The following MAML2 variants were observed in gnomAD, a reference collection of about 807,000 sequenced individuals.
The protein encoded by MAML2 is mastermind-like protein 2.
MAML2 carries 22 observed loss-of-function variants against 96.1 expected under a neutral mutation model. That is an observed-to-expected ratio of 0.23 (90% CI 0.16 to 0.33). MAML2 has a LOEUF of 0.33. Among genes scored for constraint, MAML2 ranks in the 10% least tolerant of loss-of-function variants. MAML2 has a pLI of 1.00. For missense variants in MAML2, 1,367 were observed against 1,392.4 expected (o/e 0.98, Z 0.29); for synonymous variants, 561 against 521.3 (o/e 1.08, Z -1.04).
chr11:96,142,997 C>T (rs1375094646), intron 1 of MAML2, among the ~76,000 whole-genome samples: 4 of 152,178 alleles, frequency 2.6e-5, no homozygotes, highest in Non-Finnish European at 5.9e-5. Flanking sequence ...ATAAGACTTA[C>T]AACTGATGCC....
intron 1 of MAML2, among the ~76,000 whole-genome samples, chr11:96,292,188 C>T (rs187596900): frequency 2.0e-5 from 3 of 152,264 alleles, no homozygotes; most frequent in Non-Finnish European, 2.9e-5. Context: ...ATCATATTTA[C>T]TATTGAATAC....
intron 2 of MAML2, among the ~76,000 whole-genome samples, chr11:96,077,602 T>A (rs1859463404): frequency 6.6e-6 from 1 of 152,208 alleles, no homozygotes; most frequent in African/African-American, 2.4e-5. Flanking sequence ...CGAAACTTTA[T>A]TTTAGGAATA....
chr11:96,136,821 G>A (rs982322105), intron 1 of MAML2, among the ~76,000 whole-genome samples: 22 of 152,130 alleles, frequency 1.4e-4, no homozygotes, highest in African/African-American at 5.3e-4. Flanking sequence ...CAAAATCCCT[G>A]TTACTAAGAC....
At chr11:96,124,388 G>A (rs189173150) in intron 1 of MAML2, among the ~76,000 whole-genome samples, 6 of 152,288 alleles carry the variant, frequency 3.9e-5, no homozygotes, top group Non-Finnish European at 1.5e-5. Context: ...TCTCTGGTTT[G>A]ATTCCAGTGT....
At chr11:96,191,461 T>C (rs1414360607) in intron 1 of MAML2, among the ~76,000 whole-genome samples, 1 of 116,308 alleles carries the variant, frequency 8.6e-6, no homozygotes, top group Admixed American at 9.9e-5. Flanking sequence ...CGAGAATCCG[T>C]CTCAAAAAAA....
intron 1 of MAML2, among the ~76,000 whole-genome samples, chr11:96,146,048 CACAA>C (rs200129192): frequency 0.01 from 1,542 of 152,298 alleles, 17 homozygotes; most frequent in Admixed American, 0.021. Context: ...GTGTGCCACA[CACAA>C]ACATTGTGAC....
intron 1 of MAML2, among the ~76,000 whole-genome samples, chr11:96,195,506 T>C (rs1311525271): frequency 6.6e-6 from 1 of 152,122 alleles, no homozygotes. Context: ...GTTCAAAAAC[T>C]CAGAAAACTA....
chr11:95,991,286 G>A (rs1443096583), intron 3 of MAML2, among the ~76,000 whole-genome samples: 2 of 152,108 alleles, frequency 1.3e-5, no homozygotes, highest in East Asian at 3.9e-4. Context: ...CCTGGGCTGG[G>A]CAGGGCTGGT....
intron 1 of MAML2, among the ~76,000 whole-genome samples, chr11:96,110,758 G>A (rs151316148): frequency 4.7e-4 from 72 of 152,264 alleles, no homozygotes; most frequent in African/African-American, 1.5e-3. Flanking sequence ...GAGATGGACG[G>A]CATTGAGTGG....
At chr11:96,091,142 G>A (rs1036926793) in intron 2 of MAML2, among the ~76,000 whole-genome samples, 3 of 152,138 alleles carry the variant, frequency 2.0e-5, no homozygotes, top group African/African-American at 7.2e-5. Context: ...TTAACCAAAC[G>A]ATGTAAGGTT....
intron 1 of MAML2, among the ~76,000 whole-genome samples, chr11:96,303,865 C>T (rs894715530): frequency 2.0e-5 from 3 of 152,156 alleles, no homozygotes; most frequent in African/African-American, 7.2e-5. Context: ...TCCCTATCCC[C>T]CTTATCCTCT....
chr11:96,066,225 G>A (rs916642519), intron 2 of MAML2, among the ~76,000 whole-genome samples: 1 of 152,180 alleles, frequency 6.6e-6, no homozygotes, highest in Non-Finnish European at 1.5e-5. Flanking sequence ...CATCAGTGCT[G>A]AAGGGTCCTG....
At chr11:96,176,842 C>T (rs111407141) in intron 1 of MAML2, among the ~76,000 whole-genome samples, 3 of 151,928 alleles carry the variant, frequency 2.0e-5, no homozygotes, top group Non-Finnish European at 1.5e-5. Flanking sequence ...GTAGTGATAC[C>T]GATAGGTGTG....
intron 1 of MAML2, among the ~76,000 whole-genome samples, chr11:96,307,061 G>A (rs949950613): frequency 6.6e-6 from 1 of 152,114 alleles, no homozygotes; most frequent in Admixed American, 6.5e-5. Context: ...CACTCACACG[G>A]CTGTAATAAG....
chr11:96,126,677 T>C (rs1480119652), intron 1 of MAML2, among the ~76,000 whole-genome samples: 1 of 152,136 alleles, frequency 6.6e-6, no homozygotes. Flanking sequence ...TGTGCTTGAA[T>C]TGGATCTTAG....
chr11:96,331,797 G>A (rs927823774), intron 1 of MAML2, among the ~76,000 whole-genome samples: 9 of 127,282 alleles, frequency 7.1e-5, no homozygotes, highest in African/African-American at 2.8e-4. Flanking sequence ...CAGCGTGGGC[G>A]AAAGAGTGAG....
intron 1 of MAML2, among the ~76,000 whole-genome samples, chr11:96,316,167 C>T (rs1443204236): frequency 6.6e-6 from 1 of 152,168 alleles, no homozygotes; most frequent in Non-Finnish European, 1.5e-5. Context: ...GCACCTATTC[C>T]TGCTGTTCCT....
intron 1 of MAML2, among the ~76,000 whole-genome samples, chr11:96,167,296 A>C (rs182372649): frequency 4.7e-5 from 7 of 149,984 alleles, no homozygotes; most frequent in African/African-American, 1.7e-4. Flanking sequence ...CCTGTGCGGT[A>C]GCTCAGACCT....
intron 1 of MAML2, among the ~76,000 whole-genome samples, chr11:96,178,903 G>C (rs940033031): frequency 2.6e-5 from 4 of 152,114 alleles, no homozygotes; most frequent in Non-Finnish European, 5.9e-5. Context: ...ATAATGCTTT[G>C]CAGAATTCTA....
Sources: gnomAD v4.1 joint callset for allele counts (sites outside exome capture counted in the v4.1 genomes callset) on GRCh38, gnomAD v4.1.1 for gene constraint, MANE v1.5 for transcripts, NCBI Gene and HGNC (gene_info 2026-07-23, HGNC 2026-07-21) for gene names.